SMOC1: variants seen among roughly 807,000 people sequenced by gnomAD.
SMOC1 encodes the protein SPARC related modular calcium binding 1.
SMOC1 carries 22 observed loss-of-function variants against 56.3 expected under a neutral mutation model. That is an observed-to-expected ratio of 0.39 (90% confidence interval 0.28 to 0.56). The LOEUF (loss-of-function observed/expected upper bound fraction) is 0.56. Ranked by LOEUF, SMOC1 falls within the 20% of genes least tolerant of loss-of-function variation. The probability of loss-of-function intolerance (pLI) is 0.61; values close to 1 mark genes in which losing one functional copy is unlikely to be tolerated. For missense variants in SMOC1, 509 were observed against 565.4 expected, an observed-to-expected ratio of 0.90 and a Z score of 1.01; for synonymous variants, 193 against 215.0, an observed-to-expected ratio of 0.90 and a Z score of 0.89.
intron 3 of SMOC1, among the ~76,000 whole-genome samples, chr14:69,954,774 C>A (rs562585722): frequency 1.3e-4 from 20 of 152,264 alleles, no homozygotes; most frequent in African/African-American, 4.6e-4. Flanking sequence ...AGAGCCGGGG[C>A]AGAGGCTTCA....
rs1022778530 is a variant in SMOC1, at chr14:69,984,562, G to T, written c.526+6597G>T. On this transcript the variant is annotated intron_variant, in intron 5 of 11. Coordinates refer to ENST00000361956, the MANE Select transcript of SMOC1 (RefSeq NM_001034852.3). Reference sequence around the variant, plus strand: ...AAAACAGTTTAATTAGAAAATGGTGGCCTGGCATGGTGGCTCACACCTGTA... The same window carrying T: ...AAAACAGTTTAATTAGAAAATGGTGTCCTGGCATGGTGGCTCACACCTGTA... Among the ~76,000 whole-genome samples the T allele has an allele frequency of 2.0e-5, 3 of 152,068 alleles. No individual in the cohort carries two copies. In the South Asian group the frequency reaches 6.2e-4, roughly 32 times the overall value.
intron 7 of SMOC1, among the ~76,000 whole-genome samples, chr14:70,004,348 A>C (rs1458307626): frequency 6.6e-6 from 1 of 152,246 alleles, no homozygotes; most frequent in Non-Finnish European, 1.5e-5. Flanking sequence ...CCAAACACTC[A>C]TCTAGATATT....
rs568155008 is a variant in SMOC1, at chr14:70,025,480, C to T, written c.1291+2033C>T. On this transcript the variant is annotated intron_variant, in intron 11 of 11. Coordinates refer to ENST00000361956, the MANE Select transcript of SMOC1 (RefSeq NM_001034852.3). Reference sequence around the variant, plus strand: ...TTACTCTGGGCATGCCTGTCTGACGCGGATGCTTCTCTGTTCCCATAGTAC... The same window carrying T: ...TTACTCTGGGCATGCCTGTCTGACGTGGATGCTTCTCTGTTCCCATAGTAC... Among the ~76,000 whole-genome samples, 79 of 152,248 alleles carry T rather than the reference C, an allele frequency of 5.2e-4. No individual in the cohort carries two copies. The Middle Eastern group carries it at 0.031, about 59-fold the overall frequency.
intron 11 of SMOC1, among the ~76,000 whole-genome samples, chr14:70,025,769 AG>A (rs1885903274): frequency 6.6e-6 from 1 of 152,194 alleles, no homozygotes; most frequent in East Asian, 1.9e-4. Context: ...TGGATTTTGA[AG>A]CATTTTGGAT....
chr14:69,972,322 C>A (rs17107501), intron 3 of SMOC1, among the ~76,000 whole-genome samples: 32,629 of 152,062 alleles, frequency 0.21, 4,425 homozygotes, highest in East Asian at 0.39. Context: ...TCACTCGGGG[C>A]TCCTTCAGCT....
intron 7 of SMOC1, among the ~76,000 whole-genome samples, chr14:69,998,249 G>A (rs1161177483): frequency 6.6e-6 from 1 of 152,008 alleles, no homozygotes; most frequent in Non-Finnish European, 1.5e-5. Flanking sequence ...TTCAGTTCTC[G>A]CCTCCATTGA....
intron 7 of SMOC1, among the ~76,000 whole-genome samples, chr14:70,005,800 A>G (rs1036929982): frequency 3.3e-5 from 5 of 152,030 alleles, no homozygotes; most frequent in African/African-American, 9.7e-5. Flanking sequence ...ATGCATTTCC[A>G]TGCCCCCCTG....
chr14:69,961,556 A>AT (rs1327063833), intron 3 of SMOC1, among the ~76,000 whole-genome samples: 1 of 150,998 alleles, frequency 6.6e-6, no homozygotes, highest in African/African-American at 2.4e-5. Context: ...AAATTTTTGT[A>AT]TTTTTGGTAG....
At chr14:69,985,492 A>T (rs772284879) in intron 5 of SMOC1, among the ~76,000 whole-genome samples, 7 of 152,154 alleles carry the variant, frequency 4.6e-5, no homozygotes, top group Admixed American at 6.5e-5. Context: ...AAGTAGAAAA[A>T]AAACCCCAAA....
chr14:69,879,851 G>T, intron 1 of SMOC1, 74 bp downstream of exon 1: 2 of 1,318,534 alleles, frequency 1.5e-6, no homozygotes, highest in Non-Finnish European at 2.1e-6. Flanking sequence ...CCTGAGGGAA[G>T]GAGGAGGGGG....
intron 1 of SMOC1, among the ~76,000 whole-genome samples, chr14:69,914,884 T>C (rs1013206326): frequency 1.7e-4 from 26 of 152,126 alleles, no homozygotes; most frequent in Admixed American, 8.5e-4. Flanking sequence ...ATTCATTCAT[T>C]CATTCATTCA....
intron 1 of SMOC1, among the ~76,000 whole-genome samples, chr14:69,944,646 TAG>T (rs1882713582): frequency 6.6e-6 from 1 of 152,186 alleles, no homozygotes; most frequent in Non-Finnish European, 1.5e-5. Flanking sequence ...CCCGAAAAAC[TAG>T]AGTGCTAATC....
chr14:70,007,291 C>A (rs10134291), intron 7 of SMOC1, among the ~76,000 whole-genome samples: 46,889 of 152,138 alleles, frequency 0.31, 7,524 homozygotes, highest in East Asian at 0.41. Flanking sequence ...AGTTAATACA[C>A]ATAGTGCACC....
intron 1 of SMOC1, among the ~76,000 whole-genome samples, chr14:69,951,344 A>G (rs1197689987): frequency 6.6e-6 from 1 of 152,192 alleles, no homozygotes; most frequent in Non-Finnish European, 1.5e-5. Flanking sequence ...TAGCTCAATG[A>G]GAGGAGTAGC....
At chr14:69,947,087 GCCTTCCTT>G (rs35916933) in intron 1 of SMOC1, among the ~76,000 whole-genome samples, 1,802 of 143,462 alleles carry the variant, frequency 0.013, 44 homozygotes, top group African/African-American at 0.043. Context: ...TCTCAGGCCG[GCCTTCCTT>G]CCTTCCTTCC....
At chr14:69,954,413 C>T (rs1315019290) in intron 3 of SMOC1, among the ~76,000 whole-genome samples, 1 of 152,202 alleles carries the variant, frequency 6.6e-6, no homozygotes, top group African/African-American at 2.4e-5. Flanking sequence ...AAGTGATCCT[C>T]CCACCTCAGC....
intron 3 of SMOC1, among the ~76,000 whole-genome samples, chr14:69,962,960 G>A (rs1247537443): frequency 1.3e-5 from 2 of 151,428 alleles, no homozygotes; most frequent in African/African-American, 2.4e-5. Flanking sequence ...GTGTATATTC[G>A]GTTGTCTCAG....
chr14:69,999,060 T>C (rs964107166), intron 7 of SMOC1, among the ~76,000 whole-genome samples: 1 of 152,190 alleles, frequency 6.6e-6, no homozygotes, highest in African/African-American at 2.4e-5. Flanking sequence ...AGACATAAGG[T>C]GGAAATGCAT....
intron 5 of SMOC1, among the ~76,000 whole-genome samples, chr14:69,987,154 T>A (rs1884396226): frequency 6.6e-6 from 1 of 152,210 alleles, no homozygotes; most frequent in African/African-American, 2.4e-5. Flanking sequence ...GGCATAAATG[T>A]GGTCCCTTCA....
Sources: allele counts gnomAD v4.1 joint callset (sites outside exome capture counted in the v4.1 genomes callset), GRCh38; gene constraint gnomAD v4.1.1; transcripts MANE v1.5; gene names NCBI Gene and HGNC (gene_info 2026-07-23, HGNC 2026-07-21).